BNIP2: variants seen among roughly 807,000 people sequenced by gnomAD.
The protein encoded by BNIP2 is BCL2/adenovirus E1B 19 kDa protein-interacting protein 2.
BNIP2 carries 36 observed loss-of-function variants against 43.4 expected under a neutral mutation model. That is an observed-to-expected ratio of 0.83 (90% CI 0.64 to 1.10). The LOEUF (loss-of-function observed/expected upper bound fraction) is 1.10, where lower values mean the gene tolerates loss of function less well. Among genes scored for constraint, BNIP2 ranks in the 50% least tolerant of loss-of-function variants. The pLI, the probability that BNIP2 is intolerant of heterozygous loss-of-function variation, is 0.00. For synonymous variants in BNIP2, 146 were observed against 121.0 expected, an observed-to-expected ratio of 1.21 and a Z score of -1.35; for missense variants, 417 against 374.1, an observed-to-expected ratio of 1.11 and a Z score of -0.95.
At position 59,659,988 on chromosome 15, in the gene BNIP2, A is replaced by C. The variant is rs1486482046; in HGVS notation, c.*4081T>G. On this transcript the variant is annotated 3_prime_UTR_variant, in exon 10 of 10. Coordinates refer to ENST00000607373, the MANE Select transcript of BNIP2 (RefSeq NM_004330.4). ...GAAAGTTACATAACTGGGTCTCACC[A>C]TTGATCTGATTCTAAGTTCATTCAG... is the stretch of plus-strand genomic sequence containing the variant. 1 of 152,196 alleles carries C rather than the reference A, an allele frequency of 6.6e-6. No homozygotes were observed. The highest frequency in any genetic ancestry group is 1.9e-4 in the East Asian group (1 of 5,206). 9.4% of individuals were successfully genotyped at this position (152,196 alleles called of 1,614,324 possible).
rs6151521 is a variant in BNIP2 at position 59,676,769 on chromosome 15, C to T, written c.472+1142G>A. On this transcript the variant is annotated intron_variant, in intron 5 of 9. Coordinates refer to ENST00000607373, the MANE Select transcript of BNIP2 (RefSeq NM_004330.4). The stretch of plus-strand genomic sequence containing the variant: ...GAGTTGGGGTGTCATGGAGGATGAG[C>T]GGAGCTTTTCGGATATCTGCGGTGG... 6.7e-4 allele frequency: 985 copies of T among 1,478,558 alleles called. 6 individuals are homozygous for T. In the African/African-American group the frequency reaches 0.012, roughly 18 times the overall value. 91.6% of individuals were successfully genotyped at this position (1,478,558 alleles called of 1,614,324 possible).
Position 59,669,270 on chromosome 15 carries a change from A to G in BNIP2, c.794+6T>C. 6.5e-7 allele frequency: 1 copy of G among 1,531,484 alleles called. No individual in the cohort carries two copies. Among genetic ancestry groups the G allele is most frequent in the Non-Finnish European group, 8.7e-7 (1 of 1,142,906 alleles). 94.9% of individuals were successfully genotyped at this position (1,531,484 alleles called of 1,614,324 possible). On this transcript the variant is annotated splice_donor_region_variant and intron_variant, in intron 8 of 9. Coordinates refer to ENST00000607373, the MANE Select transcript of BNIP2 (RefSeq NM_004330.4). The stretch of plus-strand genomic sequence containing the variant: ...AAAATTAAAGTCAATGGCTCTCAAA[A>G]ATTACCTAATAAATGGTCTTGTAAC...
rs74019671 is a variant in BNIP2, at chr15:59,678,278, T to C, written c.296-191A>G. 7.7e-4 allele frequency: 1,012 copies of C among 1,315,938 alleles called. 4 individuals carry two copies. The African/African-American group carries it at 0.014, about 19-fold the overall frequency. The allele number at this position is 1,315,938 out of a possible 1,614,324, so 81.5% of individuals were successfully genotyped here. A position where few individuals can be genotyped will look rare whatever the true frequency, so the allele number is the denominator to read the frequency against. On this transcript the variant is annotated intron_variant, in intron 4 of 9. Coordinates refer to ENST00000607373, the MANE Select transcript of BNIP2 (RefSeq NM_004330.4). ...GGCTGTTTTATGTCTTTGGAAATCA[T>C]GGTTCTTTAACTTTTATTGCCCAAT...
chr15:59,678,717 AT>A (rs1893465568), intron 4 of BNIP2: 1 of 1,230,628 alleles, frequency 8.1e-7, no homozygotes, highest in Non-Finnish European at 1.0e-6. Context: ...TGTAGTAATA[AT>A]TTTCAAAATT....
intron 9 of BNIP2, 72 bp downstream of exon 9, chr15:59,668,820 T>C: frequency 1.6e-6 from 2 of 1,267,978 alleles, no homozygotes; most frequent in South Asian, 1.3e-5. Context: ...AGAATGAGTA[T>C]TGAAAAGTAT....
Position 59,678,103 on chromosome 15 carries a change from GT to G in BNIP2, c.296-17del. 1 of 1,591,456 alleles carries G rather than the reference GT, an allele frequency of 6.3e-7. No homozygotes were observed. The highest frequency in any genetic ancestry group is 8.5e-7 in the Non-Finnish European group (1 of 1,170,948). On this transcript the variant is annotated splice_polypyrimidine_tract_variant and intron_variant, in intron 4 of 9. Coordinates refer to ENST00000607373, the MANE Select transcript of BNIP2 (RefSeq NM_004330.4). ...GGAAGATCATCTGTCAAAATACAAA[GT>G]TTTTGAATCACAAATTGTTACACAA...
intron 1 of BNIP2, among the ~76,000 whole-genome samples, chr15:59,685,912 A>G (rs1420642225): frequency 6.6e-6 from 1 of 152,216 alleles, no homozygotes; most frequent in Non-Finnish European, 1.5e-5. Flanking sequence ...CTGACTCACA[A>G]GTTAACTGTT....
intron 1 of BNIP2, among the ~76,000 whole-genome samples, chr15:59,686,123 C>T (rs950118656): frequency 2.0e-5 from 3 of 152,140 alleles, no homozygotes; most frequent in Non-Finnish European, 2.9e-5. Flanking sequence ...AGTTGTTGAC[C>T]TTAGGTTAAA....
intron 5 of BNIP2, chr15:59,677,175 T>C (rs1299676121): frequency 1.2e-5 from 19 of 1,595,136 alleles, no homozygotes; most frequent in African/African-American, 2.7e-5. Flanking sequence ...CTGCATCTTA[T>C]TGAAGGATCC....
Position 59,661,132 on chromosome 15 carries a change from G to C in BNIP2, c.*2937C>G, listed in dbSNP as rs1892240862. The stretch of plus-strand genomic sequence containing the variant: ...AGGCAGATCATGAGGTCAGGAGTTC[G>C]AGACCAGCCTAGCATGGCGAAACCC... On this transcript the variant is annotated 3_prime_UTR_variant, in exon 10 of 10. Transcript: ENST00000607373. The C allele has an allele frequency of 6.6e-6, 1 of 152,008 alleles. No homozygotes were observed. Among genetic ancestry groups the C allele is most frequent in the Non-Finnish European group, 1.5e-5 (1 of 68,036 alleles). The allele number at this position is 152,008 out of a possible 1,614,324, so 9.4% of individuals were successfully genotyped here. A position where few individuals can be genotyped will look rare whatever the true frequency, so the allele number is the denominator to read the frequency against.
intron 9 of BNIP2, among the ~76,000 whole-genome samples, chr15:59,665,709 A>G (rs1245777152): frequency 6.6e-6 from 1 of 152,250 alleles, no homozygotes; most frequent in Non-Finnish European, 1.5e-5. Flanking sequence ...TAGAAGGATT[A>G]CATAATTACC....
rs777790339 is a variant in BNIP2 at position 59,682,388 on chromosome 15, C to A, written c.50+20G>T. ...TGAACTTTTGCTCTAAAATTGTTTT[C>A]TTTTAAAAGCATTGCTCACATCGGA... On this transcript the variant is annotated intron_variant, in intron 2 of 9. Coordinates refer to ENST00000607373, the MANE Select transcript of BNIP2 (RefSeq NM_004330.4). 1.3e-6 allele frequency: 2 copies of A among 1,575,916 alleles called. No individual in the cohort carries two copies. The highest frequency in any genetic ancestry group is 1.7e-6 in the Non-Finnish European group (2 of 1,164,596).
At chr15:59,672,558 G>T in intron 6 of BNIP2, 79 bp downstream of exon 6, 1 of 1,079,712 alleles carries the variant, frequency 9.3e-7, no homozygotes, top group Non-Finnish European at 1.4e-6. Context: ...TATAATTTTT[G>T]AAAAGGTTAA....
Position 59,664,915 on chromosome 15 carries a change from T to C in BNIP2, c.894-795A>G, listed in dbSNP as rs149996211. Among the ~76,000 whole-genome samples, 522 of 152,308 alleles carry C rather than the reference T, an allele frequency of 3.4e-3. 5 individuals carry two copies. Among genetic ancestry groups the C allele is most frequent in the Non-Finnish European group, 5.0e-3 (338 of 68,022 alleles). ...ACCCATAATTATTCTCCAAAACTTA[T>C]TGGTACACAGTTTGTGAATGCCTTA... On this transcript the variant is annotated intron_variant, in intron 9 of 9. Coordinates refer to ENST00000607373, the MANE Select transcript of BNIP2 (RefSeq NM_004330.4).
chr15:59,678,838 C>G, intron 4 of BNIP2: 1 of 1,302,998 alleles, frequency 7.7e-7, no homozygotes, highest in Non-Finnish European at 1.0e-6. Context: ...GAAATGACTA[C>G]AGCAGCATTA....
At chr15:59,667,771 A>T (rs533703785) in intron 9 of BNIP2, among the ~76,000 whole-genome samples, 45 of 152,374 alleles carry the variant, frequency 3.0e-4, no homozygotes, top group Middle Eastern at 3.4e-3. Flanking sequence ...GAAAATGGTG[A>T]AACAGATAAA....
rs181147205 is a variant in BNIP2, at chr15:59,672,894, T to C, written c.473-155A>G. Among the ~76,000 whole-genome samples, 94 of 152,324 alleles carry C rather than the reference T, an allele frequency of 6.2e-4. 1 individual carries two copies. Among genetic ancestry groups the C allele is most frequent in the Admixed American group, 1.5e-3 (23 of 15,298 alleles). ...TTTGTAAATCTTATATGGTCTTATA[T>C]AGAATTTTAATGTCTTCTTCCCAAA... is the stretch of plus-strand genomic sequence containing the variant. On this transcript the variant is annotated intron_variant, in intron 5 of 9. Transcript: ENST00000607373.
rs370872659 is a variant in BNIP2 at position 59,669,301 on chromosome 15, G to C, written c.769C>G (p.Leu257Val). The change falls in exon 8 of 10, where the codon CTG becomes GTG. Residue 257 changes from leucine (L) to valine (V), a missense_variant. Physicochemically the swap from Leu to Val is conservative, Grantham distance 32. Coordinates refer to ENST00000607373, the MANE Select transcript of BNIP2 (RefSeq NM_004330.4). Reference protein sequence around the residue: ...VHPSWFIRTLLAVTRPFISSK... With the variant: ...VHPSWFIRTLVAVTRPFISSK... Reference sequence around the variant, plus strand: ...CTAATAAATGGTCTTGTAACAGCCAGAAGTGTTCTGATAAACCAAGAAGGA... The same window carrying C: ...CTAATAAATGGTCTTGTAACAGCCACAAGTGTTCTGATAAACCAAGAAGGA... 16 of 1,558,552 alleles carry C rather than the reference G, an allele frequency of 1.0e-5. No homozygotes were observed. The highest frequency in any genetic ancestry group is 1.3e-5 in the Non-Finnish European group (15 of 1,159,448).
chr15:59,683,526 T>C (rs571756669), intron 1 of BNIP2, among the ~76,000 whole-genome samples: 5 of 152,172 alleles, frequency 3.3e-5, no homozygotes, highest in East Asian at 1.9e-4. Context: ...TTAAAAGTCG[T>C]TGACACTAGG....
Sources: gnomAD v4.1 joint callset for allele counts (sites outside exome capture counted in the v4.1 genomes callset) on GRCh38, gnomAD v4.1.1 for gene constraint, MANE v1.5 for transcripts, NCBI Gene and HGNC (gene_info 2026-07-23, HGNC 2026-07-21) for gene names.